The following DLGAP2 variants were observed in gnomAD, a reference collection of about 807,000 sequenced individuals.
The protein encoded by DLGAP2 is DLG associated protein 2.
Under a neutral mutation model 100.3 loss-of-function variants are expected in DLGAP2, and 26 were observed. The observed-to-expected ratio is 0.26, with a 90% CI of 0.19 to 0.36. The LOEUF is 0.36. Among genes scored for constraint, DLGAP2 ranks in the 10% least tolerant of loss-of-function variants. DLGAP2 has a pLI of 1.00. For missense variants in DLGAP2, 1,858 were observed against 1,453.2 expected, an observed-to-expected ratio of 1.28 and a Z score of -4.53; for synonymous variants, 886 against 630.1, an observed-to-expected ratio of 1.41 and a Z score of -6.08.
intron 12 of DLGAP2, among the ~76,000 whole-genome samples, chr8:1,683,856 A>ATATATATATATATATG (rs1467438870): frequency 1.6e-5 from 1 of 62,240 alleles, no homozygotes; most frequent in African/African-American, 8.4e-5. Flanking sequence ...ATATATATAT[A>ATATATATATATATATG]TGTGTGTGTG....
At chr8:1,381,504 A>G (rs1308679988) in intron 3 of DLGAP2, 4 of 152,274 alleles carry the variant, frequency 2.6e-5, no homozygotes, top group African/African-American at 9.6e-5. Context: ...GTCCTCATCC[A>G]GGCTGGACGG....
intron 2 of DLGAP2, among the ~76,000 whole-genome samples, chr8:1,078,325 T>A (rs544731999): frequency 4.3e-4 from 65 of 152,356 alleles, no homozygotes; most frequent in African/African-American, 1.4e-3. Flanking sequence ...CCTACTCTTT[T>A]TGCCTGTATT....
chr8:974,856 T>G (rs6987577), intron 2 of DLGAP2, among the ~76,000 whole-genome samples: 7,924 of 151,902 alleles, frequency 0.052, 672 homozygotes, highest in African/African-American at 0.18. Flanking sequence ...AAGAGCAAAT[T>G]AAATCCAAAA....
At chr8:849,280 CTGTTCCAGTATAGGAACGTGCCCA>C (rs1381591821) in intron 1 of DLGAP2, among the ~76,000 whole-genome samples, 32 of 152,156 alleles carry the variant, frequency 2.1e-4, no homozygotes, top group Non-Finnish European at 3.5e-4. Context: ...CACACAGAGT[CTGTTCCAGTATAGGAACGTGCCCA>C]TGTTCCAGTA....
chr8:845,636 T>C (rs1450908428), intron 1 of DLGAP2, among the ~76,000 whole-genome samples: 1 of 152,248 alleles, frequency 6.6e-6, no homozygotes, highest in Non-Finnish European at 1.5e-5. Context: ...TTCTTGATGG[T>C]GTTCTTTGAA....
intron 3 of DLGAP2, among the ~76,000 whole-genome samples, chr8:1,332,826 C>T (rs959841887): frequency 3.3e-5 from 5 of 152,150 alleles, no homozygotes; most frequent in South Asian, 2.1e-4. Context: ...TCAGCGTAGC[C>T]GGGATGAATG....
At chr8:1,279,472 A>G (rs1296067374) in intron 3 of DLGAP2, among the ~76,000 whole-genome samples, 1 of 152,372 alleles carries the variant, frequency 6.6e-6, no homozygotes, top group Middle Eastern at 3.4e-3. Context: ...ATCCCAATTA[A>G]TATACCAAGA....
intron 3 of DLGAP2, among the ~76,000 whole-genome samples, chr8:1,445,560 G>A (rs917052164): frequency 2.2e-4 from 33 of 152,228 alleles, no homozygotes; most frequent in South Asian, 4.2e-4. Flanking sequence ...ACGCGTGCAC[G>A]TGTCTTTATA....
At chr8:1,683,987 T>TATATATAC (rs1178906686) in intron 12 of DLGAP2, among the ~76,000 whole-genome samples, 34 of 99,660 alleles carry the variant, frequency 3.4e-4, no homozygotes, top group African/African-American at 1.1e-3. Flanking sequence ...TATATATATA[T>TATATATAC]ACTTTTTTTT....
intron 2 of DLGAP2, among the ~76,000 whole-genome samples, chr8:982,268 A>T (rs1442521522): frequency 1.3e-5 from 2 of 152,268 alleles, no homozygotes; most frequent in Non-Finnish European, 2.9e-5. Flanking sequence ...GGATGAATGC[A>T]CATGAACCCT....
At chr8:1,292,374 A>G (rs965332137) in intron 3 of DLGAP2, among the ~76,000 whole-genome samples, 4 of 152,180 alleles carry the variant, frequency 2.6e-5, no homozygotes, top group African/African-American at 9.6e-5. Flanking sequence ...ACCTGGAAAC[A>G]GCTCATCCTG....
intron 2 of DLGAP2, among the ~76,000 whole-genome samples, chr8:1,203,807 G>A (rs1026082397): frequency 6.6e-6 from 1 of 152,178 alleles, no homozygotes; most frequent in Non-Finnish European, 1.5e-5. Context: ...GTTGTCCTCT[G>A]TGTTCTGGTG....
chr8:1,192,912 A>G (rs1797671104), intron 2 of DLGAP2, among the ~76,000 whole-genome samples: 1 of 151,814 alleles, frequency 6.6e-6, no homozygotes, highest in East Asian at 1.9e-4. Flanking sequence ...TATGAGTGAG[A>G]ACATGCGGTG....
intron 3 of DLGAP2, among the ~76,000 whole-genome samples, chr8:1,465,435 G>C (rs191059898): frequency 3.3e-5 from 5 of 151,250 alleles, no homozygotes; most frequent in African/African-American, 1.2e-4. Context: ...ATGAGCAGAG[G>C]GAAGGGGCGT....
chr8:1,183,206 G>C (rs1221903960), intron 2 of DLGAP2, among the ~76,000 whole-genome samples: 5 of 152,156 alleles, frequency 3.3e-5, no homozygotes, highest in Non-Finnish European at 5.9e-5. Context: ...AGGGCGTCTC[G>C]GAGCGGGGTC....
At position 1,708,428 on chromosome 8, in the gene DLGAP2, T is replaced by C. The variant is rs1037935136; in HGVS notation, c.*7022T>C. On this transcript the variant is annotated 3_prime_UTR_variant, in exon 15 of 15. Coordinates refer to ENST00000637795, the MANE Select transcript of DLGAP2 (RefSeq NM_001346810.2). Reference sequence around the variant, plus strand: ...CAGATTTAATATGTATGCAAAATGGTATAGATTAAATGAGTTTTTAATTAA... The same window carrying C: ...CAGATTTAATATGTATGCAAAATGGCATAGATTAAATGAGTTTTTAATTAA... The C allele has an allele frequency of 6.6e-6, 1 of 152,212 alleles. No individual in the cohort carries two copies. The highest frequency in any genetic ancestry group is 6.5e-5 in the Admixed American group (1 of 15,286). The allele number at this position is 152,212 out of a possible 1,614,324, so 9.4% of individuals were successfully genotyped here.
chr8:1,180,862 G>A (rs544032956), intron 2 of DLGAP2, among the ~76,000 whole-genome samples: 7 of 97,756 alleles, frequency 7.2e-5, no homozygotes, highest in South Asian at 3.1e-4. Flanking sequence ...ACTTACCGTC[G>A]AATGTGGTGC....
At chr8:831,001 T>G (rs755501804) in intron 1 of DLGAP2, among the ~76,000 whole-genome samples, 42 of 151,714 alleles carry the variant, frequency 2.8e-4, no homozygotes, top group South Asian at 1.5e-3. Flanking sequence ...GTTCAAGCGA[T>G]TCTCCTGCCT....
chr8:1,665,539 T>A (rs369135936), intron 8 of DLGAP2, among the ~76,000 whole-genome samples: 1 of 152,132 alleles, frequency 6.6e-6, no homozygotes, highest in Non-Finnish European at 1.5e-5. Context: ...AAGAAAAATA[T>A]AATAAGGCAG....
Sources: allele counts gnomAD v4.1 joint callset (sites outside exome capture counted in the v4.1 genomes callset), GRCh38; gene constraint gnomAD v4.1.1; transcripts MANE v1.5; gene names NCBI Gene and HGNC (gene_info 2026-07-23, HGNC 2026-07-21).